NPC1: variants seen among roughly 807,000 people sequenced by gnomAD.
The protein encoded by NPC1 is NPC intracellular cholesterol transporter 1, also known as Niemann-Pick C1 protein.
In NPC1, 85 loss-of-function variants were observed where a neutral mutation model predicts 140.4. The ratio of observed to expected loss-of-function variants is 0.61; its 90% CI spans 0.51 to 0.72. NPC1 has a LOEUF of 0.72. NPC1 is among the 30% of genes least tolerant of loss of function. The pLI, the probability that NPC1 is intolerant of heterozygous loss-of-function variation, is 0.00. For synonymous variants in NPC1, 656 were observed against 624.8 expected (o/e 1.05, Z -0.74); for missense variants, 1,504 against 1,623.8 (o/e 0.93, Z 1.27).
intron 1 of NPC1, among the ~76,000 whole-genome samples, chr18:23,585,967 G>C (rs2059413241): frequency 6.6e-6 from 1 of 152,200 alleles, no homozygotes; most frequent in African/African-American, 2.4e-5. Context: ...TTTTTAAAAA[G>C]CAAGTAGTGT....
chr18:23,586,497 G>C lies in NPC1; in HGVS notation c.-154C>G. 7.1e-7 allele frequency: 1 copy of C among 1,414,822 alleles called. No individual in the cohort carries two copies. The highest frequency in any genetic ancestry group is 9.2e-7 in the Non-Finnish European group (1 of 1,092,368). 87.6% of individuals were successfully genotyped at this position (1,414,822 alleles called of 1,614,324 possible). On this transcript the variant is annotated 5_prime_UTR_variant, in exon 1 of 25. Coordinates refer to ENST00000269228, the MANE Select transcript of NPC1 (RefSeq NM_000271.5). ...ACCGCGGCAGCAGGCTGCGCGCGCCGGTCAGGAAGGAAGAAGGCGTCGTCG... is the reference window on the plus strand; with the variant it reads ...ACCGCGGCAGCAGGCTGCGCGCGCCCGTCAGGAAGGAAGAAGGCGTCGTCG...
At chr18:23,579,692 C>T (rs1391733320) in intron 1 of NPC1, among the ~76,000 whole-genome samples, 1 of 152,090 alleles carries the variant, frequency 6.6e-6, no homozygotes, top group Non-Finnish European at 1.5e-5. Context: ...AGATCGAGAC[C>T]ATCCTGCCTA....
rs189739939 is a variant in NPC1, at chr18:23,551,784, C to T, written c.1554-57G>A. On this transcript the variant is annotated intron_variant, in intron 9 of 24. Coordinates refer to ENST00000269228, the MANE Select transcript of NPC1 (RefSeq NM_000271.5). ...TAGAAGGGCCTCAAGACATCAGGGA[C>T]CTAAACATTTACACAGTGAACATTT... The T allele has an allele frequency of 1.9e-3, 2,208 of 1,138,842 alleles. 3 individuals carry two copies. The highest frequency in any genetic ancestry group is 2.7e-3 in the Non-Finnish European group (2,000 of 747,608). 70.5% of individuals were successfully genotyped at this position (1,138,842 alleles called of 1,614,324 possible). A position where few individuals can be genotyped will look rare whatever the true frequency, so the allele number is the denominator to read the frequency against.
rs752492658 is a variant in NPC1 at position 23,539,906 on chromosome 18, A to G, written c.2700T>C (p.Thr900=). The change falls in exon 18 of 25, where the codon ACT becomes ACC. Residue 900 remains threonine, a synonymous_variant. Coordinates refer to ENST00000269228, the MANE Select transcript of NPC1 (RefSeq NM_000271.5). ...YFVLEEGHDY[T]SSKGQNMVCG... The stretch of plus-strand genomic sequence containing the variant: ...ACACCATGTTCTGCCCCTTGGAAGA[A>G]GTGTAGTCGTGCCCTTCCTCCAGGA... 6.2e-7 allele frequency: 1 copy of G among 1,614,178 alleles called. No homozygotes were observed. The highest frequency in any genetic ancestry group is 2.2e-5 in the East Asian group (1 of 44,884).
At chr18:23,554,273 C>T (rs776204809) in intron 9 of NPC1, among the ~76,000 whole-genome samples, 1 of 152,116 alleles carries the variant, frequency 6.6e-6, no homozygotes, top group South Asian at 2.1e-4. Context: ...GGCACGATAG[C>T]ACATGTTATG....
downstream of NPC1, chr18:23,527,945 C>G (rs753271426): frequency 2.6e-5 from 37 of 1,443,702 alleles, 1 homozygote; most frequent in African/African-American, 4.4e-4. Context: ...TCCCCCACCC[C>G]CTCCCGGGTA....
At chr18:23,571,808 T>C (rs1338155269) in intron 3 of NPC1, among the ~76,000 whole-genome samples, 1 of 152,030 alleles carries the variant, frequency 6.6e-6, no homozygotes, top group Non-Finnish European at 1.5e-5. Flanking sequence ...CACAAACCAC[T>C]GCACTCTAGC....
chr18:23,555,834 C>CA (rs1315934153), intron 8 of NPC1, among the ~76,000 whole-genome samples: 2 of 152,182 alleles, frequency 1.3e-5, no homozygotes, highest in Admixed American at 6.5e-5. Flanking sequence ...CCTCAGCCCC[C>CA]AGGACAGCAG....
Position 23,548,138 on chromosome 18 carries a change from C to A in NPC1, c.1655-30G>T, listed in dbSNP as rs569231279. 6.7e-6 allele frequency: 9 copies of A among 1,340,650 alleles called. No individual in the cohort carries two copies. The African/African-American group carries it at 1.3e-4, about 19-fold the overall frequency. The allele number at this position is 1,340,650 out of a possible 1,614,324, so 83.0% of individuals were successfully genotyped here. A position where few individuals can be genotyped will look rare whatever the true frequency, so the allele number is the denominator to read the frequency against. On this transcript the variant is annotated intron_variant, in intron 10 of 24. Transcript: ENST00000269228. ...AAAGGAAAAATGTGACATCAAAAAGCAGATTACAAGCATGCAGAAAATTAG... is the reference window on the plus strand; with the variant it reads ...AAAGGAAAAATGTGACATCAAAAAGAAGATTACAAGCATGCAGAAAATTAG...
Position 23,575,433 on chromosome 18 carries a change from T to C in NPC1, c.58-1859A>G, listed in dbSNP as rs143095885. ...GGCTCAGTGTGCTTGTTGAGCTGGA[T>C]TGCACCTGGGATCACACCTGGAGCA... On this transcript the variant is annotated intron_variant, in intron 1 of 24. Transcript: ENST00000269228. 4.3e-4 allele frequency among the ~76,000 whole-genome samples: 66 copies of C among 152,162 alleles called. 1 individual carries two copies. Among genetic ancestry groups the C allele is most frequent in the African/African-American group, 1.4e-3 (60 of 41,530 alleles).
chr18:23,529,087 A>G, downstream of NPC1: 8 of 1,521,476 alleles, frequency 5.3e-6, no homozygotes, highest in Non-Finnish European at 4.4e-6. Flanking sequence ...TCCTGGGTCC[A>G]CATCGAAGAA....
chr18:23,568,943 G>A lies in NPC1; in HGVS notation c.343C>T (p.Pro115Ser). 6.2e-7 allele frequency: 1 copy of A among 1,613,904 alleles called. No homozygotes were observed. The highest frequency in any genetic ancestry group is 8.5e-7 in the Non-Finnish European group (1 of 1,179,876). ...ACATTCAAAAACTGACTCTGTCGAG[G>A]GCTACATGTCAGCTCACAAAACAGG... ...LNLFCELTCS[P>S]RQSQFLNVTA... The change falls in exon 4 of 25, where the codon CCT (proline) becomes TCT (serine). Residue 115 changes from proline to serine, a missense_variant. Coordinates refer to ENST00000269228, the MANE Select transcript of NPC1 (RefSeq NM_000271.5).
chr18:23,524,059 T>C, intron 1 of NPC1: 1 of 1,462,492 alleles, frequency 6.8e-7, no homozygotes, highest in Non-Finnish European at 9.6e-7. Context: ...TATTGACTTT[T>C]GTGTCATAAG....
At chr18:23,530,457 G>A (rs1231828195), downstream of NPC1, 2 of 1,614,258 alleles carry the variant, frequency 1.2e-6, no homozygotes, top group South Asian at 2.2e-5. Flanking sequence ...GCTGCCTTAA[G>A]GTTTATCCGG....
intron 9 of NPC1, among the ~76,000 whole-genome samples, chr18:23,553,005 C>G (rs1302143461): frequency 6.6e-6 from 1 of 152,200 alleles, no homozygotes; most frequent in African/African-American, 2.4e-5. Context: ...GCAGGACCCT[C>G]AGGTGAAAAA....
chr18:23,545,612 A>C (rs1053636417), intron 11 of NPC1, among the ~76,000 whole-genome samples: 2 of 152,196 alleles, frequency 1.3e-5, no homozygotes, highest in Non-Finnish European at 1.5e-5. Flanking sequence ...CCTGTTTTGA[A>C]ATAGAGTCTC....
chr18:23,585,961 T>C (rs893841795), intron 1 of NPC1, among the ~76,000 whole-genome samples: 1 of 152,188 alleles, frequency 6.6e-6, no homozygotes, highest in East Asian at 1.9e-4. Flanking sequence ...CAGAATTTTT[T>C]AAAAAGCAAG....
downstream of NPC1, among the ~76,000 whole-genome samples, chr18:23,518,705 T>C (rs1206604137): frequency 6.6e-6 from 1 of 152,216 alleles, no homozygotes; most frequent in Non-Finnish European, 1.5e-5. Context: ...GTTTAGTGTG[T>C]GTTCTCTTTT....
chr18:23,519,879 C>T (rs2058099448), downstream of NPC1, among the ~76,000 whole-genome samples: 1 of 152,152 alleles, frequency 6.6e-6, no homozygotes, highest in Non-Finnish European at 1.5e-5. Context: ...CTCCTCTACC[C>T]TCCCAGAGGG....
Sources: allele counts gnomAD v4.1 joint callset (sites outside exome capture counted in the v4.1 genomes callset), GRCh38; gene constraint gnomAD v4.1.1; transcripts MANE v1.5; gene names NCBI Gene and HGNC (gene_info 2026-07-23, HGNC 2026-07-21).